Variants in AFDN observed in about 807,000 individuals in gnomAD.
The protein encoded by AFDN is afadin, adherens junction formation factor.
Under a neutral mutation model 216.6 loss-of-function variants are expected in AFDN, and 68 were observed. The observed-to-expected ratio is 0.31, with a 90% CI of 0.26 to 0.38. The LOEUF is 0.38. AFDN is among the 10% of genes least tolerant of loss of function. The pLI is 1.00. For synonymous variants in AFDN, 868 were observed against 853.7 expected (o/e 1.02, Z -0.29); for missense variants, 2,136 against 2,342.0 (o/e 0.91, Z 1.82).
chr6:167,964,896 T>C, intron 31 of AFDN: 1 of 1,063,578 alleles, frequency 9.4e-7, no homozygotes, highest in Non-Finnish European at 1.1e-6. Context: ...TTTGTCAATC[T>C]TTAACAAAAC....
In AFDN at chr6:167,952,107, G is replaced by A. The variant is rs201932853; in HGVS notation, c.4753G>A (p.Glu1585Lys). The A allele has an allele frequency of 7.4e-6, 12 of 1,614,132 alleles. No homozygotes were observed. The highest frequency in any genetic ancestry group is 2.2e-5 in the East Asian group (1 of 44,862). ...ACTCCAGGAGTCGAAGCAGAAGGAC[G>A]AAGATGACGAGGAGGAGGAGGACGA... The part of the protein sequence containing the change: ...KRLQESKQKD[E>K]DDEEEEDDDV... Residue 1585 changes from glutamate to lysine, a missense_variant, in exon 30 of 34, where the codon GAA (glutamate) becomes AAA (lysine). Transcript: ENST00000683244.
chr6:167,912,764 A>G (rs1364424889), intron 15 of AFDN, among the ~76,000 whole-genome samples: 1 of 152,230 alleles, frequency 6.6e-6, no homozygotes, highest in Non-Finnish European at 1.5e-5. Context: ...AATCACCATT[A>G]TCAAACAAGT....
intron 30 of AFDN, among the ~76,000 whole-genome samples, chr6:167,952,862 G>A (rs1796145789): frequency 6.6e-6 from 1 of 152,178 alleles, no homozygotes; most frequent in African/African-American, 2.4e-5. Context: ...TATTCCAATT[G>A]TAGCATAAAG....
At chr6:167,903,897 A>G (rs1271835860) in intron 12 of AFDN, among the ~76,000 whole-genome samples, 1 of 152,164 alleles carries the variant, frequency 6.6e-6, no homozygotes, top group African/African-American at 2.4e-5. Context: ...TACTTGTTGC[A>G]GGAGTTTTTA....
Position 167,962,237 on chromosome 6 carries a change from AT to A in AFDN, c.4834-193del, listed in dbSNP as rs1374409479. On this transcript the variant is annotated intron_variant, in intron 30 of 33. Transcript: ENST00000683244. The surrounding 1 kb of genome is among the most constrained non-coding windows in gnomAD (Gnocchi z 5.2). ...GATTTGTGGCAACCGTTTTTAGGTA[AT>A]TTATTTTAAAATTGTAGAGCTAAAA... Among the ~76,000 whole-genome samples the A allele has an allele frequency of 6.6e-6, 1 of 152,198 alleles. No homozygotes were observed. The highest frequency in any genetic ancestry group is 1.5e-5 in the Non-Finnish European group (1 of 68,038).
chr6:167,921,001 G>C (rs1231980947), intron 21 of AFDN, among the ~76,000 whole-genome samples: 2 of 152,192 alleles, frequency 1.3e-5, no homozygotes, highest in African/African-American at 2.4e-5. Context: ...TCCACGCTTA[G>C]TGAGGGTGGT....
intron 12 of AFDN, among the ~76,000 whole-genome samples, chr6:167,905,357 T>A (rs767025634): frequency 1.6e-4 from 25 of 152,306 alleles, no homozygotes; most frequent in South Asian, 1.5e-3. Flanking sequence ...AACCATCTCA[T>A]GAATAATTGA....
chr6:167,877,961 C>T (rs1785593391), intron 5 of AFDN, among the ~76,000 whole-genome samples: 1 of 152,082 alleles, frequency 6.6e-6, no homozygotes, highest in South Asian at 2.1e-4. Flanking sequence ...TTTTGACACT[C>T]AGTTATATTT....
chr6:167,910,995 A>G, intron 13 of AFDN, 106 bp from the exon 14 acceptor site: 2 of 878,082 alleles, frequency 2.3e-6, no homozygotes, highest in Non-Finnish European at 3.7e-6. Flanking sequence ...CGTTGGAAAG[A>G]TTAGTATATA....
chr6:167,874,262 A>C (rs574382938), intron 4 of AFDN, among the ~76,000 whole-genome samples: 14 of 152,268 alleles, frequency 9.2e-5, no homozygotes, highest in African/African-American at 3.1e-4. Flanking sequence ...AAAAGCTTCT[A>C]CTTTATGACT....
chr6:167,947,443 T>A (rs1795443484), intron 27 of AFDN, among the ~76,000 whole-genome samples: 1 of 152,210 alleles, frequency 6.6e-6, no homozygotes, highest in Non-Finnish European at 1.5e-5. Context: ...CCTCCCAAAG[T>A]GCTGGGATTA....
chr6:167,956,633 A>G (rs1796549738), intron 30 of AFDN, among the ~76,000 whole-genome samples: 1 of 152,156 alleles, frequency 6.6e-6, no homozygotes. Context: ...AGCATGCTCA[A>G]AGTGAAATCT....
intron 31 of AFDN, chr6:167,964,918 C>A (rs895882877): frequency 9.4e-7 from 1 of 1,060,430 alleles, no homozygotes; most frequent in Non-Finnish European, 1.1e-6. Flanking sequence ...GTGCTGTTAC[C>A]TTTTTTAATG....
intron 9 of AFDN, among the ~76,000 whole-genome samples, chr6:167,895,098 G>A (rs1788071501): frequency 6.6e-6 from 1 of 151,992 alleles, no homozygotes; most frequent in African/African-American, 2.4e-5. Context: ...CGTATGTGGA[G>A]TGATCAGTGC....
chr6:167,838,216 A>G (rs1780660267), intron 1 of AFDN, among the ~76,000 whole-genome samples: 1 of 152,212 alleles, frequency 6.6e-6, no homozygotes, highest in Admixed American at 6.5e-5. Flanking sequence ...TCTTAGGCCT[A>G]TAGGAAAGAA....
At chr6:167,955,948 C>T (rs922414060) in intron 30 of AFDN, among the ~76,000 whole-genome samples, 2 of 151,636 alleles carry the variant, frequency 1.3e-5, no homozygotes, top group African/African-American at 4.8e-5. Flanking sequence ...AACCTCGTCT[C>T]TACTAAAAAT....
chr6:167,843,712 A>G (rs1185930438), intron 1 of AFDN, among the ~76,000 whole-genome samples: 1 of 152,214 alleles, frequency 6.6e-6, no homozygotes, highest in African/African-American at 2.4e-5. Flanking sequence ...AACTTACAGC[A>G]AAAATTTATT....
intron 1 of AFDN, among the ~76,000 whole-genome samples, chr6:167,835,796 C>T (rs937928150): frequency 6.6e-6 from 1 of 152,106 alleles, no homozygotes; most frequent in African/African-American, 2.4e-5. Context: ...TCACAGATGA[C>T]CTGAAAGGGT....
intron 30 of AFDN, among the ~76,000 whole-genome samples, chr6:167,956,185 G>A (rs1236246434): frequency 6.7e-6 from 1 of 148,642 alleles, no homozygotes; most frequent in African/African-American, 2.5e-5. Flanking sequence ...TACCCTAGGA[G>A]ACCCTCATCT....
Sources: allele counts gnomAD v4.1 joint callset (sites outside exome capture counted in the v4.1 genomes callset), GRCh38; gene constraint gnomAD v4.1.1; non-coding constraint Gnocchi (gnomAD v3.1); transcripts MANE v1.5; gene names NCBI Gene and HGNC (gene_info 2026-07-23, HGNC 2026-07-21).